MANBA: variants seen among roughly 807,000 people sequenced by gnomAD.
MANBA encodes the protein mannosidase beta.
In MANBA, 83 loss-of-function variants were observed where a neutral mutation model predicts 111.1. The ratio of observed to expected loss-of-function variants is 0.75; its 90% CI spans 0.63 to 0.90. The LOEUF (loss-of-function observed/expected upper bound fraction) is 0.90. Among genes scored for constraint, MANBA ranks in the 40% least tolerant of loss-of-function variants. MANBA has a pLI of 0.00. For synonymous variants in MANBA, 370 were observed against 378.7 expected (o/e 0.98, Z 0.27); for missense variants, 1,036 against 1,069.0 (o/e 0.97, Z 0.43).
At chr4:102,705,223 C>A (rs1396837845) in intron 5 of MANBA, among the ~76,000 whole-genome samples, 2 of 152,146 alleles carry the variant, frequency 1.3e-5, no homozygotes, top group Admixed American at 6.5e-5. Context: ...TGGACTCCTG[C>A]AATCCTAGCC....
intron 7 of MANBA, among the ~76,000 whole-genome samples, chr4:102,688,224 A>C (rs574556774): frequency 1.3e-5 from 2 of 152,092 alleles, no homozygotes; most frequent in East Asian, 3.9e-4. Flanking sequence ...ACAAGAGTGA[A>C]TGCTTTGGCC....
intron 10 of MANBA, chr4:102,665,890 C>T (rs1267589967): frequency 6.6e-6 from 1 of 152,176 alleles, no homozygotes; most frequent in African/African-American, 2.4e-5. Context: ...ATTCAAGAAG[C>T]TCAGAAACTC....
In MANBA at chr4:102,657,715, A is replaced by G. The variant is rs751850640; in HGVS notation, c.1671T>C (p.Tyr557=). The change falls in exon 12 of 17, where the codon TAT becomes TAC. Residue 557 remains tyrosine (Y), a synonymous_variant. Coordinates refer to ENST00000647097, the MANE Select transcript of MANBA (RefSeq NM_005908.4). ...PKARFASEYG[Y]QSWPSFSTLE... ...ATGTACTGAAGGACGGCCAGGACTG[A>G]TATCCATATTCAGATGCAAATCGAG... is the stretch of plus-strand genomic sequence containing the variant. 1.9e-6 allele frequency: 3 copies of G among 1,613,374 alleles called. No homozygotes were observed. Among genetic ancestry groups the G allele is most frequent in the South Asian group, 2.2e-5 (2 of 91,068 alleles).
chr4:102,726,501 A>C (rs1259437146), intron 2 of MANBA, 88 bp downstream of exon 2: 4 of 780,422 alleles, frequency 5.1e-6, no homozygotes, highest in South Asian at 1.5e-5. Flanking sequence ...AAACAAAAAA[A>C]AAACAAACAA....
At chr4:102,698,824 T>C (rs1185780175) in intron 5 of MANBA, among the ~76,000 whole-genome samples, 6 of 151,598 alleles carry the variant, frequency 4.0e-5, no homozygotes, top group African/African-American at 9.7e-5. Context: ...GGCTTAGGAT[T>C]GACTTGGCGA....
chr4:102,759,701 T>A (rs1724161412), intron 1 of MANBA, among the ~76,000 whole-genome samples: 1 of 152,152 alleles, frequency 6.6e-6, no homozygotes, highest in South Asian at 2.1e-4. Flanking sequence ...CATGATTTTT[T>A]AAAACACCAA....
At chr4:102,697,332 C>T (rs1239976691) in intron 5 of MANBA, among the ~76,000 whole-genome samples, 1 of 151,744 alleles carries the variant, frequency 6.6e-6, no homozygotes, top group Non-Finnish European at 1.5e-5. Context: ...ATAAGCAAGA[C>T]TGACAAATCT....
At chr4:102,709,260 A>G (rs934050604) in intron 5 of MANBA, among the ~76,000 whole-genome samples, 2 of 133,178 alleles carry the variant, frequency 1.5e-5, no homozygotes, top group African/African-American at 2.8e-5. Context: ...AGAAAGAAAG[A>G]GAGAGAGAGA....
At chr4:102,746,235 T>C (rs1477645795) in intron 1 of MANBA, among the ~76,000 whole-genome samples, 3 of 152,098 alleles carry the variant, frequency 2.0e-5, no homozygotes, top group Admixed American at 1.3e-4. Context: ...AGTTGCAGGG[T>C]CCCATTCTTT....
Position 102,636,527 on chromosome 4 carries a change from T to C in MANBA, c.2015-520A>G, listed in dbSNP as rs117746796. 2.5e-4 allele frequency among the ~76,000 whole-genome samples: 38 copies of C among 152,336 alleles called. No homozygotes were observed. The East Asian group carries it at 7.1e-3, about 29-fold the overall frequency. ...ACTGTATATAATAACTTATAGATTC[T>C]AGGTAGCTATTGATTGCTTTAATAT... On this transcript the variant is annotated intron_variant, in intron 14 of 16. Transcript: ENST00000647097.
chr4:102,638,681 AG>A (rs1729735285), intron 14 of MANBA, among the ~76,000 whole-genome samples: 1 of 152,190 alleles, frequency 6.6e-6, no homozygotes, highest in Non-Finnish European at 1.5e-5. Flanking sequence ...GCATCCCAGA[AG>A]GATTTTCCCC....
chr4:102,757,223 G>A (rs1354924750), intron 1 of MANBA, among the ~76,000 whole-genome samples: 1 of 152,100 alleles, frequency 6.6e-6, no homozygotes, highest in Non-Finnish European at 1.5e-5. Context: ...CAGCTACCTG[G>A]GAGACTGAGG....
intron 7 of MANBA, among the ~76,000 whole-genome samples, chr4:102,688,886 G>A (rs955052384): frequency 6.6e-6 from 1 of 152,300 alleles, no homozygotes; most frequent in Admixed American, 6.5e-5. Context: ...GTTCTGGGGA[G>A]TAGGAAGTAA....
At position 102,631,966 on chromosome 4, in the gene MANBA, T is replaced by C; in HGVS notation, c.*91A>G. On this transcript the variant is annotated 3_prime_UTR_variant, in exon 17 of 17. Transcript: ENST00000647097. ...GCAGCACGCAGACATGTCTCTCGGC[T>C]TCTCTCCTTGTCTCTGTTGCCTTCC... 8.9e-7 allele frequency: 1 copy of C among 1,122,618 alleles called. No homozygotes were observed. Among genetic ancestry groups the C allele is most frequent in the Non-Finnish European group, 1.3e-6 (1 of 742,550 alleles). The allele number at this position is 1,122,618 out of a possible 1,614,324, so 69.5% of individuals were successfully genotyped here. A position where few individuals can be genotyped will look rare whatever the true frequency, so the allele number is the denominator to read the frequency against.
chr4:102,690,481 A>AATAT, intron 6 of MANBA, 115 bp downstream of exon 6: 3 of 983,394 alleles, frequency 3.1e-6, no homozygotes, highest in Non-Finnish European at 1.6e-6. Context: ...GAAAATGACA[A>AATAT]ATATAAGCAG....
rs549790935 is a variant in MANBA at position 102,703,955 on chromosome 4, C to G, written c.673+10483G>C. On this transcript the variant is annotated intron_variant, in intron 5 of 16. Transcript: ENST00000647097. ...CCAAAAATACAAAAAATAAGCCAGG[C>G]GTGGTGTCGAACACCTGTAGTACCA... 3.3e-5 allele frequency among the ~76,000 whole-genome samples: 5 copies of G among 152,136 alleles called. No individual in the cohort carries two copies. In the South Asian group the frequency reaches 1.0e-3, roughly 32 times the overall value.
At chr4:102,747,215 G>C (rs1405055822) in intron 1 of MANBA, among the ~76,000 whole-genome samples, 2 of 151,622 alleles carry the variant, frequency 1.3e-5, no homozygotes, top group African/African-American at 4.9e-5. Context: ...ATGATCACAA[G>C]GTCCCATAAC....
intron 1 of MANBA, chr4:102,751,826 A>G (rs1205534463): frequency 2.0e-6 from 1 of 509,646 alleles, no homozygotes; most frequent in East Asian, 5.4e-5. Flanking sequence ...GGGATGTCTT[A>G]AAAGATGTGG....
intron 13 of MANBA, among the ~76,000 whole-genome samples, chr4:102,646,325 C>A (rs530285907): frequency 6.6e-6 from 1 of 152,226 alleles, no homozygotes; most frequent in African/African-American, 2.4e-5. Context: ...CTGGATCTTC[C>A]ATCGTGTCTC....
Sources: gnomAD v4.1 joint callset for allele counts (sites outside exome capture counted in the v4.1 genomes callset) on GRCh38, gnomAD v4.1.1 for gene constraint, MANE v1.5 for transcripts, NCBI Gene and HGNC (gene_info 2026-07-23, HGNC 2026-07-21) for gene names.